The following EIF1AX variants were observed in gnomAD, a reference collection of about 807,000 sequenced individuals.
The protein encoded by EIF1AX is eukaryotic translation initiation factor 1A X-linked.
EIF1AX carries 1 observed loss-of-function variant against 16.1 expected under a neutral mutation model. That is an observed-to-expected ratio of 0.06 (90% CI 0.02 to 0.30). EIF1AX has a LOEUF of 0.30. Among genes scored for constraint, EIF1AX ranks in the 10% least tolerant of loss-of-function variants. The pLI, the probability that EIF1AX is intolerant of heterozygous loss-of-function variation, is 1.00. For missense variants in EIF1AX, 11 were observed against 109.1 expected, an observed-to-expected ratio of 0.10 and a Z score of 4.00; for synonymous variants, 32 against 37.3, an observed-to-expected ratio of 0.86 and a Z score of 0.51.
intron 6 of EIF1AX, among the ~76,000 whole-genome samples, chrX:20,128,807 C>T (rs1255261012): frequency 8.9e-6 from 1 of 111,859 alleles, no homozygotes; most frequent in Non-Finnish European, 1.9e-5. Flanking sequence ...GGGTCCAGTT[C>T]TGAGGAGGCG....
chrX:20,135,886 T>C, intron 2 of EIF1AX, 45 bp from the exon 3 acceptor site: 1 of 946,544 alleles, frequency 1.1e-6, no homozygotes, highest in African/African-American at 1.9e-5. Flanking sequence ...GTTCAACTTT[T>C]GATAACAGCA....
rs2066990703 is a variant in EIF1AX at position 20,128,053 on chromosome X, T to TG, written c.*252dup. 1.2e-5 allele frequency: 3 copies of TG among 252,359 alleles called. No individual in the cohort carries two copies. Among genetic ancestry groups the TG allele is most frequent in the Non-Finnish European group, 2.1e-5 (3 of 141,348 alleles). 20.8% of individuals were successfully genotyped at this position (252,359 alleles called of 1,213,427 possible). ...GCAATGCATGGTTTTTTTTTTTTTT[T>TG]GTAATTAGTAGACATGGTCTTCTAC... On this transcript the variant is annotated 3_prime_UTR_variant, in exon 7 of 7. Coordinates refer to ENST00000379607, the MANE Select transcript of EIF1AX (RefSeq NM_001412.4).
chrX:20,129,905 G>C (rs2066995965), intron 6 of EIF1AX, among the ~76,000 whole-genome samples: 3 of 112,348 alleles, frequency 2.7e-5, no homozygotes, highest in African/African-American at 3.2e-5. Flanking sequence ...TATCTCTTTA[G>C]AGACTCTTAA....
intron 2 of EIF1AX, among the ~76,000 whole-genome samples, chrX:20,137,994 GTTTTTTTTTTTT>G (rs72040979): frequency 2.4e-4 from 9 of 36,758 alleles, no homozygotes; most frequent in Non-Finnish European, 3.5e-4. Flanking sequence ...TCTCTATACA[GTTTTTTTTTTTT>G]TTTTTTTTTT....
In EIF1AX at chrX:20,135,726, A is replaced by G; in HGVS notation, c.204+12T>C. 1.7e-6 allele frequency: 2 copies of G among 1,161,416 alleles called. No individual in the cohort carries two copies. Among genetic ancestry groups the G allele is most frequent in the Non-Finnish European group, 2.4e-6 (2 of 850,260 alleles). ...ACCAATTTTATATTAAAGTAAAACA[A>G]ATCACACCTACCTTTTTTCTCAATT... On this transcript the variant is annotated intron_variant, in intron 3 of 6. Transcript: ENST00000379607.
intron 2 of EIF1AX, among the ~76,000 whole-genome samples, chrX:20,137,445 C>CA (rs780963520): frequency 0.027 from 2,866 of 106,282 alleles, 121 homozygotes; most frequent in African/African-American, 0.094. Flanking sequence ...GACTCCATCT[C>CA]AAAAAAAAAA....
intron 2 of EIF1AX, among the ~76,000 whole-genome samples, chrX:20,137,062 T>C (rs1308160041): frequency 8.9e-6 from 1 of 111,827 alleles, no homozygotes; most frequent in African/African-American, 3.3e-5. Context: ...TCTAGTTATA[T>C]AAGAAAATAT....
Position 20,124,532 on chromosome X carries a change from T to A in EIF1AX, c.*3774A>T, listed in dbSNP as rs760685293. On this transcript the variant is annotated 3_prime_UTR_variant, in exon 7 of 7. Coordinates refer to ENST00000379607, the MANE Select transcript of EIF1AX (RefSeq NM_001412.4). ...AATCAATTGTATACATTGTTGAAAG[T>A]TGTTCATATTTTATTTTCTAATTGC... 2 of 146,844 alleles carry A rather than the reference T, an allele frequency of 1.4e-5. No individual in the cohort carries two copies. Among genetic ancestry groups the A allele is most frequent in the Non-Finnish European group, 2.7e-5 (2 of 73,870 alleles). 12.1% of individuals were successfully genotyped at this position (146,844 alleles called of 1,213,427 possible).
At chrX:20,133,740 G>C (rs762317981) in intron 4 of EIF1AX, among the ~76,000 whole-genome samples, 2 of 111,493 alleles carry the variant, frequency 1.8e-5, no homozygotes, top group African/African-American at 3.3e-5. Flanking sequence ...GTAATTACTT[G>C]TGTGCTTAAC....
chrX:20,133,086 G>A (rs2067005736), intron 4 of EIF1AX, among the ~76,000 whole-genome samples: 1 of 111,597 alleles, frequency 9.0e-6, no homozygotes, highest in South Asian at 3.8e-4. Context: ...AGTAGGAGGG[G>A]CACGGAAAGA....
In EIF1AX at chrX:20,124,990, G is replaced by A. The variant is rs1406202466; in HGVS notation, c.*3316C>T. ...ATATCAAGTGAAAAGAGCAGACACT[G>A]ATCTAAGTACATTACATGTATAAAC... On this transcript the variant is annotated 3_prime_UTR_variant, in exon 7 of 7. Transcript: ENST00000379607. The A allele has an allele frequency of 2.7e-5, 4 of 147,002 alleles. No homozygotes were observed. Among genetic ancestry groups the A allele is most frequent in the African/African-American group, 1.2e-4 (4 of 32,463 alleles). The allele number at this position is 147,002 out of a possible 1,213,427, so 12.1% of individuals were successfully genotyped here. A position where few individuals can be genotyped will look rare whatever the true frequency, so the allele number is the denominator to read the frequency against.
At chrX:20,130,391 G>A in intron 6 of EIF1AX, 125 bp downstream of exon 6, 2 of 529,740 alleles carry the variant, frequency 3.8e-6, no homozygotes, top group South Asian at 8.6e-5. Flanking sequence ...ATTTAATTCA[G>A]ACAATTCTCA....
In EIF1AX at chrX:20,124,592, TATG is replaced by T. The variant is rs1288193442; in HGVS notation, c.*3711_*3713del. 10 of 152,962 alleles carry T rather than the reference TATG, an allele frequency of 6.5e-5. No homozygotes were observed. Among genetic ancestry groups the T allele is most frequent in the African/African-American group, 3.0e-4 (10 of 32,863 alleles). 12.6% of individuals were successfully genotyped at this position (152,962 alleles called of 1,213,427 possible). ...TATCTGATTTCTTTACATCATTCCATATGATGGGAAAGGAAACCTCTAAATCAG... is the reference window on the plus strand; with the variant it reads ...TATCTGATTTCTTTACATCATTCCATATGGGAAAGGAAACCTCTAAATCAG... On this transcript the variant is annotated 3_prime_UTR_variant, in exon 7 of 7. Coordinates refer to ENST00000379607, the MANE Select transcript of EIF1AX (RefSeq NM_001412.4).
At chrX:20,129,702 C>T (rs1221338389) in intron 6 of EIF1AX, among the ~76,000 whole-genome samples, 1 of 112,189 alleles carries the variant, frequency 8.9e-6, no homozygotes, top group Non-Finnish European at 1.9e-5. Context: ...ACAGTACACA[C>T]CCAACAGCTA....
intron 3 of EIF1AX, among the ~76,000 whole-genome samples, chrX:20,134,817 T>C (rs2067011328): frequency 8.9e-6 from 1 of 112,046 alleles, no homozygotes; most frequent in Non-Finnish European, 1.9e-5. Context: ...AAAAAATAAA[T>C]ACAAAATCAG....
At position 20,128,229 on chromosome X, in the gene EIF1AX, ATCT is replaced by A. The variant is rs758550297; in HGVS notation, c.*74_*76del. ...TTGCATTCATGCTAATGAAATTTTA[ATCT>A]TCTTTGTCATGATCAAAATCCAAAT... On this transcript the variant is annotated 3_prime_UTR_variant, in exon 7 of 7. Transcript: ENST00000379607. The A allele has an allele frequency of 1.7e-5, 16 of 956,123 alleles. No homozygotes were observed. In the South Asian group the frequency reaches 2.6e-4, roughly 15 times the overall value. 78.8% of individuals were successfully genotyped at this position (956,123 alleles called of 1,213,427 possible). A position where few individuals can be genotyped will look rare whatever the true frequency, so the allele number is the denominator to read the frequency against.
chrX:20,139,494 G>C (rs1344290428), intron 1 of EIF1AX, among the ~76,000 whole-genome samples: 1 of 111,593 alleles, frequency 9.0e-6, no homozygotes, highest in Non-Finnish European at 1.9e-5. Flanking sequence ...CAGTCAGTAA[G>C]CTGGGGTGAC....
intron 1 of EIF1AX, among the ~76,000 whole-genome samples, chrX:20,141,359 G>GA (rs900430496): frequency 8.9e-6 from 1 of 111,786 alleles, no homozygotes; most frequent in African/African-American, 3.3e-5. Flanking sequence ...AGTCTGGCGC[G>GA]AATCAGGAGC....
intron 4 of EIF1AX, 27 bp downstream of exon 4, chrX:20,133,930 T>C (rs1286370478): frequency 4.4e-6 from 5 of 1,143,797 alleles, no homozygotes; most frequent in African/African-American, 1.8e-5. Context: ...GCCAGTAAAA[T>C]AGGAAAAATT....
Sources: gnomAD v4.1 joint callset for allele counts (sites outside exome capture counted in the v4.1 genomes callset) on GRCh38, gnomAD v4.1.1 for gene constraint, MANE v1.5 for transcripts, NCBI Gene and HGNC (gene_info 2026-07-23, HGNC 2026-07-21) for gene names.